The following THSD7B variants were observed in gnomAD, a reference collection of about 807,000 sequenced individuals.
THSD7B encodes the protein thrombospondin type-1 domain-containing protein 7B.
THSD7B carries 138 observed loss-of-function variants against 213.6 expected under a neutral mutation model. The observed-to-expected ratio is 0.65, with a 90% CI of 0.56 to 0.74. The LOEUF is 0.74. Ranked by LOEUF, THSD7B falls within the 30% of genes least tolerant of loss-of-function variation. The pLI is 0.00. For missense variants in THSD7B, 1,931 were observed against 1,991.5 expected, an observed-to-expected ratio of 0.97 and a Z score of 0.58; for synonymous variants, 742 against 687.0, an observed-to-expected ratio of 1.08 and a Z score of -1.25.
chr2:137,142,286 G>A (rs1384589971), intron 5 of THSD7B, among the ~76,000 whole-genome samples: 1 of 152,070 alleles, frequency 6.6e-6, no homozygotes, highest in Non-Finnish European at 1.5e-5. Flanking sequence ...GAGAGAATGA[G>A]CCCAGGAGAG....
rs1228551845 is a variant in THSD7B at position 137,127,793 on chromosome 2, C to A, written c.1369+12500C>A. ...ATTAGCCAGGCGTGGTGGTGCACAC[C>A]TGTAATCCTAGCTATTCAGGAGGCT... On this transcript the variant is annotated intron_variant, in intron 5 of 27. Coordinates refer to ENST00000409968, the MANE Select transcript of THSD7B (RefSeq NM_001316349.2). Among the ~76,000 whole-genome samples, 3 of 152,168 alleles carry A rather than the reference C, an allele frequency of 2.0e-5. No homozygotes were observed. In the East Asian group the frequency reaches 5.8e-4, roughly 29 times the overall value.
chr2:137,432,930 C>T (rs893459329), intron 14 of THSD7B, among the ~76,000 whole-genome samples: 3 of 152,138 alleles, frequency 2.0e-5, no homozygotes, highest in Non-Finnish European at 2.9e-5. Flanking sequence ...GCTTGTCTTT[C>T]TCCCTTTCTA....
At chr2:137,100,947 T>A (rs763610693) in intron 4 of THSD7B, among the ~76,000 whole-genome samples, 1 of 152,176 alleles carries the variant, frequency 6.6e-6, no homozygotes, top group Non-Finnish European at 1.5e-5. Flanking sequence ...AGGTGAGGAA[T>A]GATATCATAG....
chr2:137,126,269 G>A lies in THSD7B; in HGVS notation c.1369+10976G>A, dbSNP rs147750295. ...TCTTCTTCCAATATAAGGCTGTTTC[G>A]TCTACATTAAGAATTGGTTTTCCAG... On this transcript the variant is annotated intron_variant, in intron 5 of 27. Coordinates refer to ENST00000409968, the MANE Select transcript of THSD7B (RefSeq NM_001316349.2). Among the ~76,000 whole-genome samples the A allele has an allele frequency of 4.9e-4, 74 of 152,234 alleles. 1 individual carries two copies. The East Asian group carries it at 0.012, about 25-fold the overall frequency.
At chr2:137,156,161 A>G (rs1343815119) in intron 5 of THSD7B, 1 of 152,180 alleles carries the variant, frequency 6.6e-6, no homozygotes, top group Non-Finnish European at 1.5e-5. Flanking sequence ...TCTTCTCTGG[A>G]AGATATGACT....
intron 14 of THSD7B, among the ~76,000 whole-genome samples, chr2:137,428,411 A>G (rs1312400570): frequency 6.6e-6 from 1 of 152,220 alleles, no homozygotes; most frequent in Non-Finnish European, 1.5e-5. Flanking sequence ...AGATAAACAT[A>G]GAATTACCAT....
intron 12 of THSD7B, among the ~76,000 whole-genome samples, chr2:137,332,758 A>G (rs1209508783): frequency 6.6e-6 from 1 of 152,168 alleles, no homozygotes; most frequent in African/African-American, 2.4e-5. Context: ...GTGATCTCAC[A>G]AGATCTGATG....
intron 5 of THSD7B, among the ~76,000 whole-genome samples, chr2:137,122,629 C>T (rs1170420708): frequency 6.6e-6 from 1 of 152,096 alleles, no homozygotes; most frequent in African/African-American, 2.4e-5. Context: ...GTGATCAGAT[C>T]ATGATATGGT....
intron 2 of THSD7B, among the ~76,000 whole-genome samples, chr2:136,933,869 G>A (rs1684674467): frequency 6.6e-6 from 1 of 152,084 alleles, no homozygotes; most frequent in Non-Finnish European, 1.5e-5. Flanking sequence ...ACCCAGAGTG[G>A]CAGATTACTA....
intron 1 of THSD7B, among the ~76,000 whole-genome samples, chr2:136,789,088 C>T (rs982962906): frequency 1.3e-5 from 2 of 151,882 alleles, no homozygotes; most frequent in Admixed American, 1.3e-4. Flanking sequence ...AAATTAGGTT[C>T]TTGGAGATGT....
intron 2 of THSD7B, among the ~76,000 whole-genome samples, chr2:137,014,650 G>T (rs990981085): frequency 3.9e-5 from 6 of 152,218 alleles, no homozygotes; most frequent in African/African-American, 1.4e-4. Context: ...GTGTTGGCCT[G>T]TTGGGGTTGG....
chr2:137,245,200 G>T (rs181913649), intron 10 of THSD7B, among the ~76,000 whole-genome samples: 4 of 152,236 alleles, frequency 2.6e-5, no homozygotes, highest in African/African-American at 9.6e-5. Flanking sequence ...GTAGATTGGG[G>T]CATAAGAGCA....
chr2:137,133,474 G>A (rs1265886202), intron 5 of THSD7B, among the ~76,000 whole-genome samples: 1 of 152,148 alleles, frequency 6.6e-6, no homozygotes, highest in Non-Finnish European at 1.5e-5. Context: ...ATATTTCAAT[G>A]AGCATGTAAA....
chr2:137,284,161 T>G (rs1179557878), intron 12 of THSD7B, among the ~76,000 whole-genome samples: 2 of 152,342 alleles, frequency 1.3e-5, no homozygotes, highest in South Asian at 2.1e-4. Context: ...TATCCATTTC[T>G]TCTAGATTTT....
At chr2:136,830,279 A>G (rs903211570) in intron 1 of THSD7B, among the ~76,000 whole-genome samples, 3 of 152,196 alleles carry the variant, frequency 2.0e-5, no homozygotes, top group Non-Finnish European at 4.4e-5. Context: ...GAAATTTTTT[A>G]TGTAAAACTG....
chr2:137,579,868 ACT>A (rs1467065099), intron 17 of THSD7B, among the ~76,000 whole-genome samples: 1 of 151,986 alleles, frequency 6.6e-6, no homozygotes, highest in East Asian at 1.9e-4. Context: ...AAATGTCTTC[ACT>A]CTCATTTTAA....
intron 15 of THSD7B, among the ~76,000 whole-genome samples, chr2:137,550,002 C>G (rs150337296): frequency 6.6e-6 from 1 of 151,938 alleles, no homozygotes; most frequent in Non-Finnish European, 1.5e-5. Context: ...GTCCCTGGCA[C>G]GCCGTGAACA....
intron 2 of THSD7B, among the ~76,000 whole-genome samples, chr2:136,936,930 T>C (rs1684744360): frequency 6.6e-6 from 1 of 152,104 alleles, no homozygotes; most frequent in South Asian, 2.1e-4. Flanking sequence ...AACCCAGTCA[T>C]GTCTCTTCCC....
chr2:136,900,213 T>G (rs1684040906), intron 2 of THSD7B, among the ~76,000 whole-genome samples: 1 of 152,248 alleles, frequency 6.6e-6, no homozygotes, highest in Non-Finnish European at 1.5e-5. Flanking sequence ...CCAGGATCTC[T>G]AAACCAATGT....
Sources: gnomAD v4.1 joint callset for allele counts (sites outside exome capture counted in the v4.1 genomes callset) on GRCh38, gnomAD v4.1.1 for gene constraint, MANE v1.5 for transcripts, NCBI Gene and HGNC (gene_info 2026-07-23, HGNC 2026-07-21) for gene names.